NSDHL: variants seen among roughly 807,000 people sequenced by gnomAD.
NSDHL encodes the protein sterol-4-alpha-carboxylate 3-dehydrogenase, decarboxylating.
A neutral mutation model predicts 23.0 loss-of-function variants in NSDHL; 1 was observed. The ratio of observed to expected loss-of-function variants is 0.04; its 90% CI spans 0.02 to 0.21. The LOEUF is 0.21. Among genes scored for constraint, NSDHL ranks in the 10% least tolerant of loss-of-function variants. The pLI, the probability that NSDHL is intolerant of heterozygous loss-of-function variation, is 1.00. For missense variants in NSDHL, 237 were observed against 300.9 expected (o/e 0.79, Z 1.57); for synonymous variants, 128 against 121.1 (o/e 1.06, Z -0.37).
At chrX:152,840,504 T>C (rs1556844726) in intron 1 of NSDHL, among the ~76,000 whole-genome samples, 1 of 112,417 alleles carries the variant, frequency 8.9e-6, no homozygotes, top group African/African-American at 3.2e-5. Flanking sequence ...ATGTCCTTTC[T>C]GTTGATGTTG....
rs1556847247 is a variant in NSDHL at position 152,858,877 on chromosome X, C to T, written c.375C>T (p.Thr125=). 14 of 1,207,325 alleles carry T rather than the reference C, an allele frequency of 1.2e-5. No individual in the cohort carries two copies. The highest frequency in any genetic ancestry group is 1.6e-5 in the Non-Finnish European group (14 of 891,588). ...ELFYRVNYIG[T]KNVIETCKEA... ...TTTATAGAGTGAATTACATTGGCAC[C>T]AAGAATGTCATTGAAACTTGCAAAG... is the stretch of plus-strand genomic sequence containing the variant. Residue 125 remains threonine, a synonymous_variant, in exon 4 of 8, where the codon ACC becomes ACT. Transcript: ENST00000370274.
intron 4 of NSDHL, among the ~76,000 whole-genome samples, chrX:152,860,962 G>A (rs1449311838): frequency 2.7e-5 from 3 of 112,183 alleles, no homozygotes; most frequent in East Asian, 5.7e-4. Flanking sequence ...TTATTGAACA[G>A]ATCCTCCTGC....
intron 1 of NSDHL, among the ~76,000 whole-genome samples, chrX:152,842,495 ATTTTTTG>A (rs1205436575): frequency 1.8e-5 from 2 of 110,493 alleles, no homozygotes; most frequent in Non-Finnish European, 3.8e-5. Flanking sequence ...ATCGTTTTTT[ATTTTTTG>A]TTTTTTGTTT....
At chrX:152,841,480 C>G (rs1207626816) in intron 1 of NSDHL, among the ~76,000 whole-genome samples, 1 of 112,512 alleles carries the variant, frequency 8.9e-6, no homozygotes, top group Non-Finnish European at 1.9e-5. Flanking sequence ...TCAGTTTAGC[C>G]TTATTTTGCT....
At chrX:152,855,385 T>C (rs1933429998) in intron 3 of NSDHL, among the ~76,000 whole-genome samples, 1 of 111,752 alleles carries the variant, frequency 8.9e-6, no homozygotes, top group South Asian at 3.8e-4. Context: ...TCGTTGTTCG[T>C]TTGTAGGTTG....
chrX:152,867,250 G>A lies in NSDHL; in HGVS notation c.687-321G>A, dbSNP rs1365448775. Among the ~76,000 whole-genome samples the A allele has an allele frequency of 2.7e-5, 3 of 112,171 alleles. No individual in the cohort carries two copies. In the East Asian group the frequency reaches 8.5e-4, roughly 32 times the overall value. On this transcript the variant is annotated intron_variant, in intron 6 of 7. Transcript: ENST00000370274. ...AAACGGAGGACCAGAGCAAGGCGTT[G>A]GCCCCGTGTCTCCTGGGAAGGGGCT...
chrX:152,832,133 A>G (rs1317817569), intron 1 of NSDHL, among the ~76,000 whole-genome samples: 2 of 110,858 alleles, frequency 1.8e-5, no homozygotes, highest in Non-Finnish European at 3.8e-5. Flanking sequence ...GTTGAACCTC[A>G]TGTGCCAGCC....
At chrX:152,856,961 C>G (rs1933451899) in intron 3 of NSDHL, among the ~76,000 whole-genome samples, 1 of 112,538 alleles carries the variant, frequency 8.9e-6, no homozygotes, top group Non-Finnish European at 1.9e-5. Context: ...GGGAGAATCG[C>G]TTGAGCCCGG....
intron 1 of NSDHL, among the ~76,000 whole-genome samples, chrX:152,839,730 C>T (rs1413333133): frequency 1.8e-5 from 2 of 112,567 alleles, no homozygotes; most frequent in African/African-American, 6.5e-5. Context: ...CTGCCCTTTA[C>T]ATTTTTTCCT....
chrX:152,863,395 C>A lies in NSDHL; in HGVS notation c.543+671C>A, dbSNP rs192692898. Among the ~76,000 whole-genome samples the A allele has an allele frequency of 1.4e-4, 16 of 111,417 alleles. No individual in the cohort carries two copies. In the East Asian group the frequency reaches 3.7e-3, roughly 26 times the overall value. ...TCTGTCTACAGAGCTTACAGCCCAC[C>A]CTCAATGCCATGGGAGCTTCCTCGC... On this transcript the variant is annotated intron_variant, in intron 5 of 7. Coordinates refer to ENST00000370274, the MANE Select transcript of NSDHL (RefSeq NM_015922.3).
intron 4 of NSDHL, among the ~76,000 whole-genome samples, chrX:152,861,420 T>C (rs1327097091): frequency 8.8e-6 from 1 of 113,065 alleles, no homozygotes; most frequent in East Asian, 2.8e-4. Context: ...AGCTCTGCCT[T>C]TTTAGGATAA....
intron 2 of NSDHL, among the ~76,000 whole-genome samples, chrX:152,849,383 C>A (rs1157821273): frequency 2.7e-5 from 3 of 111,906 alleles, no homozygotes; most frequent in Non-Finnish European, 5.6e-5. Flanking sequence ...AGGGATATCA[C>A]AGGTCCTCCT....
intron 1 of NSDHL, among the ~76,000 whole-genome samples, chrX:152,842,307 C>T (rs782381859): frequency 6.3e-4 from 70 of 111,296 alleles, no homozygotes; most frequent in African/African-American, 1.7e-3. Context: ...TCCACAACGT[C>T]GCACCATTTT....
chrX:152,832,176 C>T (rs1404736650), intron 1 of NSDHL, among the ~76,000 whole-genome samples: 1 of 111,961 alleles, frequency 8.9e-6, no homozygotes, highest in Non-Finnish European at 1.9e-5. Context: ...TCTCAGTTGT[C>T]CTCTCCGCCT....
In NSDHL at chrX:152,837,303, A is replaced by T. The variant is rs781856994; in HGVS notation, c.-44+6186A>T. Among the ~76,000 whole-genome samples, 11 of 111,609 alleles carry T rather than the reference A, an allele frequency of 9.9e-5. No homozygotes were observed. In the East Asian group the frequency reaches 2.8e-3, roughly 29 times the overall value. ...ACCCTTTATTTCTTTCTCTTGCCTG[A>T]TTGCCCTGGCCAGAACTTCCAACAC... On this transcript the variant is annotated intron_variant, in intron 1 of 7. Transcript: ENST00000370274.
chrX:152,858,089 T>G (rs935993281), intron 3 of NSDHL, among the ~76,000 whole-genome samples: 74 of 112,226 alleles, frequency 6.6e-4, no homozygotes, highest in African/African-American at 2.4e-3. Context: ...GAATTTTTAT[T>G]CTTGCTTGTG....
At position 152,869,062 on chromosome X, in the gene NSDHL, T is replaced by C; in HGVS notation, c.1068T>C (p.Asp356=). The change falls in exon 8 of 8, where the codon GAT becomes GAC. Residue 356 remains aspartate, a synonymous_variant. Coordinates refer to ENST00000370274, the MANE Select transcript of NSDHL (RefSeq NM_015922.3). ...GCTACCAGCCACTAGTGACCATGGA[T>C]GATGCTATGGAGAGGACCGTGCAGA... ...AMGYQPLVTM[D]DAMERTVQSF... is the part of the protein sequence containing the mutation. The C allele has an allele frequency of 8.2e-7, 1 of 1,212,125 alleles. No individual in the cohort carries two copies. The highest frequency in any genetic ancestry group is 1.1e-6 in the Non-Finnish European group (1 of 895,474).
chrX:152,856,260 C>T lies in NSDHL; in HGVS notation c.268-2510C>T, dbSNP rs139162607. On this transcript the variant is annotated intron_variant, in intron 3 of 7. Coordinates refer to ENST00000370274, the MANE Select transcript of NSDHL (RefSeq NM_015922.3). ...TGTGGCAAGTCAGAATTGAGAAGCA[C>T]TGTAAGTGTGAAGTCCACACCAGAT... Among the ~76,000 whole-genome samples the T allele has an allele frequency of 8.9e-3, 995 of 112,346 alleles. 11 individuals are homozygous for T. The highest frequency in any genetic ancestry group is 0.03 in the African/African-American group (933 of 30,912).
At chrX:152,856,090 CCA>C in intron 3 of NSDHL, among the ~76,000 whole-genome samples, 1 of 111,612 alleles carries the variant, frequency 9.0e-6, no homozygotes, top group Middle Eastern at 4.7e-3. Context: ...GTAGTATTTC[CCA>C]CAGTCTGGGT....
Sources: allele counts gnomAD v4.1 joint callset (sites outside exome capture counted in the v4.1 genomes callset), GRCh38; gene constraint gnomAD v4.1.1; transcripts MANE v1.5; gene names NCBI Gene and HGNC (gene_info 2026-07-23, HGNC 2026-07-21).